The following TBC1D1 variants were observed in gnomAD, a reference collection of about 807,000 sequenced individuals.
The protein encoded by TBC1D1 is TBC1 (tre-2/USP6, BUB2, cdc16) domain family, member 1.
In TBC1D1, 89 loss-of-function variants were observed where a neutral mutation model predicts 125.6. The observed-to-expected ratio is 0.71, with a 90% confidence interval of 0.60 to 0.85. The LOEUF is 0.85. Among genes scored for constraint, TBC1D1 ranks in the 40% least tolerant of loss-of-function variants. TBC1D1 has a pLI of 0.00. For missense variants in TBC1D1, 1,377 were observed against 1,469.2 expected, an observed-to-expected ratio of 0.94 and a Z score of 1.03; for synonymous variants, 565 against 564.1, an observed-to-expected ratio of 1.00 and a Z score of -0.02.
At chr4:38,089,541 T>G (rs762593356) in intron 12 of TBC1D1, among the ~76,000 whole-genome samples, 2 of 152,250 alleles carry the variant, frequency 1.3e-5, no homozygotes, top group Non-Finnish European at 1.5e-5. Flanking sequence ...TACCCATGTC[T>G]TAGAGTTTTG....
chr4:37,989,378 C>T (rs968507958), intron 2 of TBC1D1, among the ~76,000 whole-genome samples: 1 of 152,192 alleles, frequency 6.6e-6, no homozygotes, highest in African/African-American at 2.4e-5. Context: ...TTCAAGTTGT[C>T]CCACCTTTCC....
chr4:37,926,063 T>C (rs1346703404), intron 2 of TBC1D1, among the ~76,000 whole-genome samples: 1 of 152,228 alleles, frequency 6.6e-6, no homozygotes, highest in Admixed American at 6.5e-5. Context: ...CCATCATCAT[T>C]AGAAGAAAAT....
chr4:37,902,076 G>T lies in TBC1D1; in HGVS notation c.-20G>T, dbSNP rs1282497442. 6.4e-7 allele frequency: 1 copy of T among 1,569,432 alleles called. No individual in the cohort carries two copies. Among genetic ancestry groups the T allele is most frequent in the African/African-American group, 1.4e-5 (1 of 72,854 alleles). ...AAAACAGTGATAACTGTTTTGCTGA[G>T]TTCCCAGACCCTTCCCAAGATGGAA... On this transcript the variant is annotated 5_prime_UTR_variant, in exon 2 of 20. Transcript: ENST00000261439.
Position 38,097,015 on chromosome 4 carries a change from T to TAA in TBC1D1, c.2398+928_2398+929dup, listed in dbSNP as rs1759465176. ...ATATGTTAATGTCTTCTGGCAAGAG[T>TAA]AAAAGCCTGAGTCTAATCTGATTCT... On this transcript the variant is annotated intron_variant, in intron 14 of 19. Transcript: ENST00000261439. 2.6e-5 allele frequency among the ~76,000 whole-genome samples: 4 copies of TAA among 152,246 alleles called. No individual in the cohort carries two copies. The South Asian group carries it at 8.3e-4, about 32-fold the overall frequency.
chr4:37,975,568 C>A (rs1054554826), intron 2 of TBC1D1, among the ~76,000 whole-genome samples: 1 of 152,340 alleles, frequency 6.6e-6, no homozygotes, highest in Admixed American at 6.5e-5. Flanking sequence ...GACACTAACA[C>A]TACCGCTAGA....
chr4:38,013,372 C>A (rs1741940329), intron 2 of TBC1D1, among the ~76,000 whole-genome samples: 1 of 151,862 alleles, frequency 6.6e-6, no homozygotes, highest in South Asian at 2.1e-4. Flanking sequence ...TGATCTTTGA[C>A]CTGAATTGGA....
At chr4:38,023,613 G>T (rs1744499723) in intron 6 of TBC1D1, among the ~76,000 whole-genome samples, 1 of 152,180 alleles carries the variant, frequency 6.6e-6, no homozygotes, top group Admixed American at 6.5e-5. Context: ...ATGTTTTCCA[G>T]ATTCACGTGT....
intron 2 of TBC1D1, among the ~76,000 whole-genome samples, chr4:37,946,882 T>C (rs954268313): frequency 2.0e-5 from 3 of 152,180 alleles, no homozygotes; most frequent in African/African-American, 7.2e-5. Context: ...GGAAAATGCA[T>C]GTCCACATCG....
At chr4:38,106,862 A>G (rs936899031) in intron 15 of TBC1D1, among the ~76,000 whole-genome samples, 1 of 152,110 alleles carries the variant, frequency 6.6e-6, no homozygotes, top group African/African-American at 2.4e-5. Flanking sequence ...CCTCCCCTGC[A>G]GGGCTCAGGC....
At chr4:37,932,894 T>C (rs1168987882) in intron 2 of TBC1D1, among the ~76,000 whole-genome samples, 5 of 151,974 alleles carry the variant, frequency 3.3e-5, no homozygotes, top group Non-Finnish European at 5.9e-5. Context: ...CCATCTCTAC[T>C]AAAAATGCAA....
rs150469423 is a variant in TBC1D1, at chr4:37,960,628, G to A, written c.418-53881G>A. On this transcript the variant is annotated intron_variant, in intron 2 of 19. Transcript: ENST00000261439. ...CCTAAAGCTACCAGAAAGGCTTTGG[G>A]CACTGTCAACAGAGCTACAGAAAAG... The A allele has an allele frequency of 4.3e-4, 698 of 1,614,180 alleles. No individual in the cohort carries two copies. The highest frequency in any genetic ancestry group is 6.7e-4 in the Admixed American group (40 of 60,022).
chr4:38,029,379 T>G (rs1340717492), intron 7 of TBC1D1, among the ~76,000 whole-genome samples: 5 of 152,190 alleles, frequency 3.3e-5, no homozygotes, highest in Non-Finnish European at 7.4e-5. Flanking sequence ...TCTTTGTTGT[T>G]TTTTTGAGAC....
rs542435660 is a variant in TBC1D1, at chr4:38,044,484, G to T, written c.1536G>T (p.Leu512Phe). ...TAACAGAGTCTTTAGAAAGTATTTTGTCCCGGGTAAGTAGCATAATTTCTC... is the reference window on the plus strand; with the variant it reads ...TAACAGAGTCTTTAGAAAGTATTTTTTCCCGGGTAAGTAGCATAATTTCTC... The change falls in exon 9 of 20, where the codon TTG becomes TTT. Residue 512 changes from leucine to phenylalanine, a missense_variant. Physicochemically the swap from Leu to Phe is conservative, Grantham distance 22 (BLOSUM62 0). This residue lies in a region of TBC1D1 where 822 missense variants were observed against 824.6 expected (regional missense o/e 1.00). Coordinates refer to ENST00000261439, the MANE Select transcript of TBC1D1 (RefSeq NM_015173.4). 10 of 1,608,802 alleles carry T rather than the reference G, an allele frequency of 6.2e-6. No individual in the cohort carries two copies. The highest frequency in any genetic ancestry group is 8.5e-6 in the Non-Finnish European group (10 of 1,178,754).
At position 38,115,836 on chromosome 4, in the gene TBC1D1, T is replaced by G; in HGVS notation, c.2684T>G (p.Phe895Cys). ...GTGGGATATTGCCAAGGTCTCAGCT[T>G]TGTAGCAGGCATTTTGCTTCTTCAT... Residue 895 changes from phenylalanine (F) to cysteine (C), a missense_variant, in exon 16 of 20, where the codon TTT (phenylalanine) becomes TGT (cysteine). By Grantham distance (205) the Phe-to-Cys change is radical. This residue lies in a region of TBC1D1 where 543 missense variants were observed against 613.5 expected (regional missense o/e 0.89). Coordinates refer to ENST00000261439, the MANE Select transcript of TBC1D1 (RefSeq NM_015173.4). The G allele has an allele frequency of 6.2e-7, 1 of 1,614,170 alleles. No individual in the cohort carries two copies. The highest frequency in any genetic ancestry group is 1.3e-5 in the African/African-American group (1 of 75,040).
In TBC1D1 at chr4:38,133,295, A is replaced by G. The variant is rs570141224; in HGVS notation, c.3306+38A>G. Reference sequence around the variant, plus strand: ...TATAAAGCAGCTTCCTGAATCACAAATATATGGTAGTTCATTAACTCACCA... The same window carrying G: ...TATAAAGCAGCTTCCTGAATCACAAGTATATGGTAGTTCATTAACTCACCA... On this transcript the variant is annotated intron_variant, in intron 19 of 19. Transcript: ENST00000261439. 3.1e-6 allele frequency: 5 copies of G among 1,587,852 alleles called. No individual in the cohort carries two copies. The East Asian group carries it at 9.0e-5, about 28-fold the overall frequency.
intron 2 of TBC1D1, among the ~76,000 whole-genome samples, chr4:37,997,545 A>G (rs978862847): frequency 6.6e-5 from 10 of 152,196 alleles, no homozygotes; most frequent in Non-Finnish European, 1.5e-4. Context: ...TGAAAAGACT[A>G]AAGTTTAAGA....
chr4:38,060,706 ACCTG>A, intron 12 of TBC1D1: 1 of 1,168,224 alleles, frequency 8.6e-7, no homozygotes, highest in Non-Finnish European at 1.1e-6. Flanking sequence ...GACCTCATAC[ACCTG>A]TTGATTAAGA....
chr4:38,021,022 C>G (rs980023768), intron 5 of TBC1D1, among the ~76,000 whole-genome samples: 1 of 152,128 alleles, frequency 6.6e-6, no homozygotes, highest in Non-Finnish European at 1.5e-5. Flanking sequence ...TCAGTCTGTT[C>G]TCACACTGCT....
chr4:37,927,176 A>G (rs1012820459), intron 2 of TBC1D1, among the ~76,000 whole-genome samples: 3 of 152,160 alleles, frequency 2.0e-5, no homozygotes, highest in South Asian at 4.1e-4. Flanking sequence ...CAGCTATTCA[A>G]ATTAACACAG....
Sources: gnomAD v4.1 joint callset for allele counts (sites outside exome capture counted in the v4.1 genomes callset) on GRCh38, gnomAD v4.1.1 for gene constraint, gnomAD v4.1.1 regional missense constraint, MANE v1.5 for transcripts, NCBI Gene and HGNC (gene_info 2026-07-23, HGNC 2026-07-21) for gene names.